Variants in CERS3 observed in about 807,000 individuals in gnomAD.
The protein encoded by CERS3 is LAG1 homolog, ceramide synthase 3.
Under a neutral mutation model 50.3 loss-of-function variants are expected in CERS3, and 33 were observed. The observed-to-expected ratio is 0.66, with a 90% confidence interval of 0.50 to 0.88. The LOEUF (loss-of-function observed/expected upper bound fraction) is 0.88, where lower values mean the gene tolerates loss of function less well. CERS3 is among the 40% of genes least tolerant of loss of function. The probability of loss-of-function intolerance (pLI) is 0.00; values close to 1 mark genes in which losing one functional copy is unlikely to be tolerated. For missense variants in CERS3, 470 were observed against 460.3 expected (o/e 1.02, Z -0.19); for synonymous variants, 176 against 155.2 (o/e 1.13, Z -0.99).
chr15:100,443,672 C>T (rs1205848034), intron 11 of CERS3, among the ~76,000 whole-genome samples: 2 of 139,458 alleles, frequency 1.4e-5, no homozygotes, highest in Non-Finnish European at 3.2e-5. Flanking sequence ...CACAGACAGC[C>T]CCCATTACTT....
intron 11 of CERS3, among the ~76,000 whole-genome samples, chr15:100,421,613 C>T (rs1367428800): frequency 4.7e-5 from 7 of 149,154 alleles, no homozygotes. Context: ...CAAAAAAGAG[C>T]CCGCATCGCC....
chr15:100,474,508 G>A (rs530657865), intron 8 of CERS3, among the ~76,000 whole-genome samples: 120 of 152,038 alleles, frequency 7.9e-4, no homozygotes, highest in African/African-American at 2.8e-3. Flanking sequence ...AGGTTCAAGC[G>A]ATTCTCCTGC....
At chr15:100,467,854 G>T (rs56198738) in intron 10 of CERS3, among the ~76,000 whole-genome samples, 25 of 33,102 alleles carry the variant, frequency 7.6e-4, no homozygotes, top group African/African-American at 1.9e-3. Context: ...TATATATATA[G>T]ATAGATAGAT....
chr15:100,430,562 T>A (rs1474585490), intron 11 of CERS3, among the ~76,000 whole-genome samples: 1 of 152,158 alleles, frequency 6.6e-6, no homozygotes, highest in African/African-American at 2.4e-5. Context: ...TGCAGAAATG[T>A]CAAAAGCCCA....
Position 100,441,948 on chromosome 15 carries a change from G to A in CERS3, c.999+13945C>T, listed in dbSNP as rs566453949. Among the ~76,000 whole-genome samples the A allele has an allele frequency of 3.9e-5, 6 of 151,902 alleles. No individual in the cohort carries two copies. The South Asian group carries it at 1.3e-3, about 32-fold the overall frequency. On this transcript the variant is annotated intron_variant, in intron 11 of 11. Transcript: ENST00000679737. ...CATCTGACCTCTCCCCTCCTCACCA[G>A]GCTGAGCTAGGTCCCAATTCTTCCT... is the stretch of plus-strand genomic sequence containing the variant.
intron 10 of CERS3, among the ~76,000 whole-genome samples, chr15:100,460,555 C>G (rs2034515915): frequency 6.6e-6 from 1 of 152,186 alleles, no homozygotes; most frequent in African/African-American, 2.4e-5. Context: ...TCAACTGAAC[C>G]CCTTTCCATC....
chr15:100,459,991 C>T (rs1296504555), intron 10 of CERS3, among the ~76,000 whole-genome samples: 1 of 151,974 alleles, frequency 6.6e-6, no homozygotes, highest in Non-Finnish European at 1.5e-5. Flanking sequence ...TTCTTAAATG[C>T]TCTTTATATA....
chr15:100,448,914 T>A (rs531655886), intron 11 of CERS3, among the ~76,000 whole-genome samples: 3 of 152,334 alleles, frequency 2.0e-5, no homozygotes, highest in African/African-American at 7.2e-5. Context: ...AAGGACAGGT[T>A]ACCCTATCCA....
chr15:100,478,058 G>A (rs914810692), intron 7 of CERS3, among the ~76,000 whole-genome samples: 4 of 152,110 alleles, frequency 2.6e-5, no homozygotes, highest in African/African-American at 9.7e-5. Context: ...AAGGAGACAG[G>A]AGCAAGAGAG....
At chr15:100,521,589 G>A (rs1057255412) in intron 2 of CERS3, 78 bp downstream of exon 2, 2 of 152,166 alleles carry the variant, frequency 1.3e-5, no homozygotes, top group African/African-American at 4.8e-5. Flanking sequence ...CAACTTCTGA[G>A]TCACAGATGT....
Position 100,400,630 on chromosome 15 carries a change from C to G in CERS3, c.*2083G>C, listed in dbSNP as rs1301048417. 6.6e-6 allele frequency: 1 copy of G among 151,868 alleles called. No homozygotes were observed. The highest frequency in any genetic ancestry group is 2.4e-5 in the African/African-American group (1 of 41,304). The allele number at this position is 151,868 out of a possible 1,614,324, so 9.4% of individuals were successfully genotyped here. ...TCAGAAATAGTTAAAATTGGTATAT[C>G]AATTTTACCTTCAACATTCAAATAA... is the stretch of plus-strand genomic sequence containing the variant. On this transcript the variant is annotated 3_prime_UTR_variant, in exon 12 of 12. Transcript: ENST00000679737.
intron 11 of CERS3, among the ~76,000 whole-genome samples, chr15:100,448,164 G>A (rs2034011579): frequency 6.6e-6 from 1 of 152,158 alleles, no homozygotes; most frequent in Non-Finnish European, 1.5e-5. Flanking sequence ...AGCAAGTTTT[G>A]ACTCATTAGG....
At chr15:100,472,877 A>G (rs564503711) in intron 9 of CERS3, 47 bp downstream of exon 9, 1 of 1,612,232 alleles carries the variant, frequency 6.2e-7, no homozygotes. Context: ...AGTTACGGAA[A>G]CCCAGGACAT....
At chr15:100,417,806 C>T (rs1039028233) in intron 11 of CERS3, among the ~76,000 whole-genome samples, 1 of 151,766 alleles carries the variant, frequency 6.6e-6, no homozygotes, top group Non-Finnish European at 1.5e-5. Flanking sequence ...GAGAGGCACC[C>T]CCCAGCAAGG....
intron 1 of CERS3, among the ~76,000 whole-genome samples, chr15:100,525,040 A>G (rs1348308609): frequency 6.6e-6 from 1 of 152,200 alleles, no homozygotes; most frequent in Non-Finnish European, 1.5e-5. Flanking sequence ...CAAATAACCT[A>G]AATATATGCC....
rs551817744 is a variant in CERS3 at position 100,501,442 on chromosome 15, C to T, written c.173+235G>A. 1.2e-4 allele frequency among the ~76,000 whole-genome samples: 18 copies of T among 152,276 alleles called. 1 individual carries two copies. The highest frequency in any genetic ancestry group is 7.7e-4 in the East Asian group (4 of 5,190). On this transcript the variant is annotated intron_variant, in intron 3 of 11. Coordinates refer to ENST00000679737, the MANE Select transcript of CERS3 (RefSeq NM_001378789.1). ...AACCTCTCTTGATCTTGATTTTCTT[C>T]GTTATAAAACTAAAGCACTCAGTGG...
intron 2 of CERS3, chr15:100,503,594 G>A (rs1388539782): frequency 9.3e-6 from 4 of 428,562 alleles, no homozygotes; most frequent in African/African-American, 2.0e-5. Context: ...TCTTTGTGCT[G>A]ATTAGAGGAA....
At position 100,540,761 on chromosome 15, in the gene CERS3, C is replaced by T. The variant is rs565069176; in HGVS notation, c.-355+3890G>A. Among the ~76,000 whole-genome samples the T allele has an allele frequency of 2.0e-4, 31 of 152,288 alleles. No individual in the cohort carries two copies. In the South Asian group the frequency reaches 4.4e-3, roughly 21 times the overall value. ...CAGTAAGCTCTTCATCCTATGAGCC[C>T]AGATCTCACCCCAGAAACACTGTTG... On this transcript the variant is annotated intron_variant, in intron 1 of 12. Coordinates refer to the CERS3 transcript ENST00000284382.
chr15:100,472,685 T>C (rs949192860), intron 9 of CERS3, among the ~76,000 whole-genome samples: 5 of 152,192 alleles, frequency 3.3e-5, no homozygotes, highest in African/African-American at 1.2e-4. Flanking sequence ...GCATGCAACC[T>C]TCAGGAGTGG....
Sources: gnomAD v4.1 joint callset for allele counts (sites outside exome capture counted in the v4.1 genomes callset) on GRCh38, gnomAD v4.1.1 for gene constraint, MANE v1.5 for transcripts, NCBI Gene and HGNC (gene_info 2026-07-23, HGNC 2026-07-21) for gene names.